SLC19A1: variants seen among roughly 807,000 people sequenced by gnomAD.
The protein encoded by SLC19A1 is solute carrier family 19 member 1.
In SLC19A1, 37 loss-of-function variants were observed where a neutral mutation model predicts 35.3. The observed-to-expected ratio is 1.05, with a 90% CI of 0.81 to 1.38. The LOEUF is 1.38. Ranked by LOEUF, SLC19A1 falls within the 40% of genes most tolerant of loss-of-function variation. The pLI is 0.00. For missense variants in SLC19A1, 831 were observed against 826.9 expected (o/e 1.00, Z -0.06); for synonymous variants, 460 against 398.5 (o/e 1.15, Z -1.84).
downstream of SLC19A1, chr21:45,512,152 G>T: frequency 6.3e-7 from 1 of 1,592,172 alleles, no homozygotes; most frequent in Non-Finnish European, 8.5e-7. Context: ...AGCAGAGCAG[G>T]TCTGGGTTTG....
At chr21:45,503,729 A>T (rs901134181) in intron 3 of SLC19A1, among the ~76,000 whole-genome samples, 1 of 151,980 alleles carries the variant, frequency 6.6e-6, no homozygotes, top group African/African-American at 2.4e-5. Context: ...TGGCACATGT[A>T]TACATATGTA....
intron 1 of SLC19A1, among the ~76,000 whole-genome samples, chr21:45,553,087 G>A (rs1473088208): frequency 6.6e-6 from 1 of 152,228 alleles, no homozygotes; most frequent in African/African-American, 2.4e-5. Flanking sequence ...CCAGGCTCAG[G>A]GCTGGGGCAG....
chr21:45,509,015 A>G (rs1181442309), downstream of SLC19A1, among the ~76,000 whole-genome samples: 3 of 152,094 alleles, frequency 2.0e-5, no homozygotes, highest in East Asian at 5.8e-4. Flanking sequence ...GGAGATTAGA[A>G]GGTCGAAGGT....
At chr21:45,536,961 G>A (rs545353104) in intron 2 of SLC19A1, among the ~76,000 whole-genome samples, 2 of 152,286 alleles carry the variant, frequency 1.3e-5, no homozygotes, top group Non-Finnish European at 2.9e-5. Context: ...CGCCTCCACC[G>A]CTCATGTGAC....
downstream of SLC19A1, chr21:45,512,474 G>T: frequency 7.1e-7 from 1 of 1,404,386 alleles, no homozygotes; most frequent in Non-Finnish European, 9.8e-7. Flanking sequence ...GGAGCGGCCG[G>T]CCAGCCCCTG....
At chr21:45,541,930 T>TGCGGCGGAAAGCGA (rs1417259621) in intron 1 of SLC19A1, 2 of 152,178 alleles carry the variant, frequency 1.3e-5, no homozygotes, top group African/African-American at 4.8e-5. Context: ...ATTCGCAGGC[T>TGCGGCGGAAAGCGA]GCGGCGGAAA....
chr21:45,559,173 A>G (rs1367823648), intron 1 of SLC19A1, among the ~76,000 whole-genome samples: 1 of 152,240 alleles, frequency 6.6e-6, no homozygotes, highest in African/African-American at 2.4e-5. Flanking sequence ...CAGAAATCAC[A>G]AAGGAAAAGA....
intron 3 of SLC19A1, chr21:45,505,942 G>A (rs749599145): frequency 6.2e-7 from 1 of 1,613,254 alleles, no homozygotes; most frequent in Non-Finnish European, 8.5e-7. Flanking sequence ...ACGTCCGCGT[G>A]CAGAACGGGT....
intron 4 of SLC19A1, among the ~76,000 whole-genome samples, chr21:45,526,166 G>A (rs765372587): frequency 6.6e-6 from 1 of 152,216 alleles, no homozygotes; most frequent in East Asian, 1.9e-4. Context: ...CCACCCTCGA[G>A]GGGCCATTCT....
At chr21:45,504,265 G>A (rs997044013) in intron 3 of SLC19A1, 7 of 878,552 alleles carry the variant, frequency 8.0e-6, no homozygotes, top group Admixed American at 2.3e-5. Flanking sequence ...AGTGGGAGGT[G>A]GGGAGTCGAG....
At chr21:45,535,720 C>T (rs2078089623) in intron 2 of SLC19A1, among the ~76,000 whole-genome samples, 1 of 152,232 alleles carries the variant, frequency 6.6e-6, no homozygotes, top group African/African-American at 2.4e-5. Context: ...CCATCACCTG[C>T]AGTGGGAGAA....
At position 45,530,819 on chromosome 21, in the gene SLC19A1, C is replaced by A; in HGVS notation, c.1102G>T (p.Ala368Ser). ...HPSSIWLCYAAFVLFRGSYQF... is the reference protein window; with the variant it reads ...HPSSIWLCYASFVLFRGSYQF... Reference sequence around the variant, plus strand: ...TAGGAGCCGCGGAACAGCACGAAGGCCGCATAGCACAGCCAGATGCTGCTC... The same window carrying A: ...TAGGAGCCGCGGAACAGCACGAAGGACGCATAGCACAGCCAGATGCTGCTC... Residue 368 changes from alanine (A) to serine (S), a missense_variant, in exon 4 of 6, where the codon GCC becomes TCC. Ala to Ser is a moderately conservative substitution (Grantham distance 99). Coordinates refer to ENST00000311124, the MANE Select transcript of SLC19A1 (RefSeq NM_194255.4). The surrounding 1 kb of genome is among the most constrained non-coding windows in gnomAD (Gnocchi z 5.3). 6.4e-7 allele frequency: 1 copy of A among 1,555,098 alleles called. No homozygotes were observed. Among genetic ancestry groups the A allele is most frequent in the Non-Finnish European group, 8.7e-7 (1 of 1,151,062 alleles).
downstream of SLC19A1, chr21:45,509,983 CG>C: frequency 6.8e-7 from 1 of 1,467,310 alleles, no homozygotes; most frequent in Non-Finnish European, 9.2e-7. Context: ...CACACAGGTG[CG>C]GGGCCGGGGT....
At position 45,517,103 on chromosome 21, in the gene SLC19A1, G is replaced by GCTGTGCCACGCAAGGACAGA. The variant is rs1282460586; in HGVS notation, c.1294-983_1294-964dup. ...TGGCCGGGCCCTCGGGGTCTGGGGA[G>GCTGTGCCACGCAAGGACAGA]CTGTGCCACGCAAGGACAGACTGTG... On this transcript the variant is annotated intron_variant, in intron 5 of 5. Transcript: ENST00000311124. The surrounding 1 kb of genome is among the most constrained non-coding windows in gnomAD (Gnocchi z 4.4). Among the ~76,000 whole-genome samples the GCTGTGCCACGCAAGGACAGA allele has an allele frequency of 6.6e-6, 1 of 152,148 alleles. No individual in the cohort carries two copies. Among genetic ancestry groups the GCTGTGCCACGCAAGGACAGA allele is most frequent in the African/African-American group, 2.4e-5 (1 of 41,436 alleles).
intron 4 of SLC19A1, among the ~76,000 whole-genome samples, chr21:45,529,950 C>T (rs568346589): frequency 6.9e-6 from 1 of 143,936 alleles, no homozygotes; most frequent in African/African-American, 2.6e-5. Context: ...TAGTGTGTGT[C>T]CATGGGTAAG....
rs62214273 is a variant in SLC19A1 at position 45,505,502 on chromosome 21, A to G, written c.498-6890T>C. The G allele has an allele frequency of 0.38, 317,632 of 830,356 alleles. 63,085 individuals carry two copies. The highest frequency in any genetic ancestry group is 0.49 in the African/African-American group (29,120 of 59,624). 51.4% of individuals were successfully genotyped at this position (830,356 alleles called of 1,614,324 possible). ...GCTGGTTCTGCAGCCCCTGCCCCTCAGAGACACTCTCCCACGGACCCCACA... is the reference window on the plus strand; with the variant it reads ...GCTGGTTCTGCAGCCCCTGCCCCTCGGAGACACTCTCCCACGGACCCCACA... On this transcript the variant is annotated intron_variant, in intron 3 of 4. Coordinates refer to the SLC19A1 transcript ENST00000417954.
chr21:45,559,579 T>G (rs2078595874), intron 1 of SLC19A1, among the ~76,000 whole-genome samples: 1 of 152,180 alleles, frequency 6.6e-6, no homozygotes. Context: ...TGGATTCTGA[T>G]TTGCAGCTCT....
intron 5 of SLC19A1, among the ~76,000 whole-genome samples, chr21:45,524,878 G>A (rs1313653372): frequency 2.0e-5 from 3 of 151,800 alleles, no homozygotes; most frequent in African/African-American, 7.3e-5. Context: ...CCTGGGCCTT[G>A]GAGACTCACC....
intron 1 of SLC19A1, among the ~76,000 whole-genome samples, chr21:45,551,885 C>T (rs564347685): frequency 6.6e-6 from 1 of 152,192 alleles, no homozygotes; most frequent in Admixed American, 6.5e-5. Flanking sequence ...GACTGGGGTT[C>T]GCGCCTCCCT....
Sources: allele counts gnomAD v4.1 joint callset (sites outside exome capture counted in the v4.1 genomes callset), GRCh38; gene constraint gnomAD v4.1.1; non-coding constraint Gnocchi (gnomAD v3.1); transcripts MANE v1.5; gene names NCBI Gene and HGNC (gene_info 2026-07-23, HGNC 2026-07-21).